RFX7: variants seen among roughly 807,000 people sequenced by gnomAD.
RFX7 encodes the protein regulatory factor X7, also known as DNA-binding protein RFX7.
Under a neutral mutation model 111.8 loss-of-function variants are expected in RFX7, and 26 were observed. The observed-to-expected ratio is 0.23, with a 90% CI of 0.17 to 0.32. The LOEUF (loss-of-function observed/expected upper bound fraction) is 0.32. Among genes scored for constraint, RFX7 ranks in the 10% least tolerant of loss-of-function variants. The probability of loss-of-function intolerance (pLI) is 1.00; values close to 1 mark genes in which losing one functional copy is unlikely to be tolerated. For synonymous variants in RFX7, 624 were observed against 624.4 expected (o/e 1.00, Z 0.01); for missense variants, 1,573 against 1,772.9 (o/e 0.89, Z 2.02).
Position 56,171,896 on chromosome 15 carries a change from T to C in RFX7, c.195+7374A>G, listed in dbSNP as rs541808426. On this transcript the variant is annotated intron_variant, in intron 3 of 9. Transcript: ENST00000559447. Reference sequence around the variant, plus strand: ...GATGGGGACATATAATTAGGAGTCATTGGTATAATGAGACTAATTGAAACC... The same window carrying C: ...GATGGGGACATATAATTAGGAGTCACTGGTATAATGAGACTAATTGAAACC... 2.8e-4 allele frequency among the ~76,000 whole-genome samples: 43 copies of C among 152,246 alleles called. No individual in the cohort carries two copies. In the Middle Eastern group the frequency reaches 0.02, roughly 72 times the overall value.
chr15:56,098,899 AT>A (rs1451074702), intron 8 of RFX7, among the ~76,000 whole-genome samples: 1 of 152,216 alleles, frequency 6.6e-6, no homozygotes, highest in Non-Finnish European at 1.5e-5. Context: ...CCTACCAGCA[AT>A]TCATGGAAAT....
At chr15:56,244,669 G>A (rs1334343354), upstream of RFX7, among the ~76,000 whole-genome samples, 1 of 148,716 alleles carries the variant, frequency 6.7e-6, no homozygotes, top group African/African-American at 2.5e-5. Context: ...TCAAGTCGCG[G>A]CTTGTCAGGG....
At chr15:56,214,392 T>A (rs2043342209) in intron 2 of RFX7, among the ~76,000 whole-genome samples, 1 of 152,204 alleles carries the variant, frequency 6.6e-6, no homozygotes, top group Non-Finnish European at 1.5e-5. Flanking sequence ...ATGCCTACAT[T>A]ATTGAAAATC....
At chr15:56,243,037 T>G in intron 2 of RFX7, 88 bp downstream of exon 2, 27 of 674,240 alleles carry the variant, frequency 4.0e-5, no homozygotes, top group East Asian at 6.6e-5. Flanking sequence ...AGCCTCCTCC[T>G]CCGCTCCCCC....
rs541143576 is a variant in RFX7 at position 56,152,385 on chromosome 15, C to G, written c.196-7902G>C. On this transcript the variant is annotated intron_variant, in intron 3 of 9. Transcript: ENST00000559447. ...ACCACAGTGCAATCAAAGTAGAACTCAGGGTTAAGAAACTTACCCCAATCC... is the reference window on the plus strand; with the variant it reads ...ACCACAGTGCAATCAAAGTAGAACTGAGGGTTAAGAAACTTACCCCAATCC... Among the ~76,000 whole-genome samples, 15 of 152,286 alleles carry G rather than the reference C, an allele frequency of 9.8e-5. 1 individual carries two copies. The highest frequency in any genetic ancestry group is 3.4e-4 in the African/African-American group (14 of 41,566).
chr15:56,228,494 C>T (rs1463301143), intron 2 of RFX7, among the ~76,000 whole-genome samples: 1 of 151,868 alleles, frequency 6.6e-6, no homozygotes, highest in African/African-American at 2.4e-5. Context: ...AATTATCAGA[C>T]TGGGAACTTA....
At chr15:56,224,455 A>G (rs182648684) in intron 2 of RFX7, among the ~76,000 whole-genome samples, 1 of 116,430 alleles carries the variant, frequency 8.6e-6, no homozygotes, top group Non-Finnish European at 1.8e-5. Flanking sequence ...CTCTTTTGCC[A>G]AGATTAGGAT....
intron 5 of RFX7, among the ~76,000 whole-genome samples, chr15:56,126,560 T>A (rs1355343879): frequency 1.3e-5 from 2 of 152,166 alleles, no homozygotes; most frequent in Admixed American, 6.5e-5. Context: ...CCTTACTTTA[T>A]CAGTAATTAC....
At chr15:56,103,773 G>A (rs953142289) in intron 5 of RFX7, 103 bp from the exon 6 acceptor site, 35 of 686,568 alleles carry the variant, frequency 5.1e-5, no homozygotes, top group Non-Finnish European at 7.9e-5. Context: ...TGAAGCAAAG[G>A]ATCTTTCAAG....
In RFX7 at chr15:56,142,963, G is replaced by C. The variant is rs376598798; in HGVS notation, c.279-63C>G. On this transcript the variant is annotated intron_variant, in intron 4 of 9. Coordinates refer to ENST00000559447, the MANE Select transcript of RFX7 (RefSeq NM_022841.7). ...CAATTCATTAACGATTTTTGAGCTA[G>C]GCCTAAATGTTCCACTAAAGAACTG... 1.6e-5 allele frequency: 25 copies of C among 1,574,052 alleles called. 1 individual carries two copies. Among genetic ancestry groups the C allele is most frequent in the Admixed American group, 5.2e-5 (3 of 57,630 alleles).
At chr15:56,237,084 G>C (rs1204739273) in intron 2 of RFX7, among the ~76,000 whole-genome samples, 1 of 152,088 alleles carries the variant, frequency 6.6e-6, no homozygotes, top group African/African-American at 2.4e-5. Context: ...AATTATATTA[G>C]TCTTTCATTG....
intron 2 of RFX7, among the ~76,000 whole-genome samples, chr15:56,217,906 C>A (rs572584627): frequency 2.0e-5 from 3 of 151,924 alleles, no homozygotes; most frequent in Non-Finnish European, 4.4e-5. Context: ...GGGAGACTGG[C>A]GAAAACCCAG....
At chr15:56,125,619 GT>G in intron 5 of RFX7, among the ~76,000 whole-genome samples, 1 of 99,070 alleles carries the variant, frequency 1.0e-5, no homozygotes, top group South Asian at 4.4e-4. Flanking sequence ...GAGTGTGTGT[GT>G]GTGTGTGTGT....
At chr15:56,149,059 A>G (rs933397220) in intron 3 of RFX7, among the ~76,000 whole-genome samples, 7 of 149,140 alleles carry the variant, frequency 4.7e-5, no homozygotes, top group Non-Finnish European at 8.9e-5. Context: ...CTCCAGCCTC[A>G]GCGACAGAGC....
intron 3 of RFX7, among the ~76,000 whole-genome samples, chr15:56,162,897 TCTC>T (rs1228045578): frequency 4.6e-5 from 7 of 152,034 alleles, no homozygotes; most frequent in Non-Finnish European, 1.0e-4. Context: ...GCCTATTTCT[TCTC>T]CACTAAGTGA....
intron 3 of RFX7, among the ~76,000 whole-genome samples, chr15:56,154,772 TTGA>T (rs2042627802): frequency 2.6e-5 from 4 of 152,168 alleles, no homozygotes; most frequent in African/African-American, 9.7e-5. Flanking sequence ...AAAGCCAGAA[TTGA>T]CAAGTGAGAT....
intron 2 of RFX7, among the ~76,000 whole-genome samples, chr15:56,230,270 T>A (rs528247009): frequency 6.6e-6 from 1 of 152,342 alleles, no homozygotes; most frequent in East Asian, 1.9e-4. Flanking sequence ...GTGGTAGTCA[T>A]CTGCTCAGTG....
At chr15:56,200,981 C>T (rs1471179765) in intron 2 of RFX7, among the ~76,000 whole-genome samples, 1 of 150,692 alleles carries the variant, frequency 6.6e-6, no homozygotes, top group Middle Eastern at 3.2e-3. Context: ...GTATTAGGTG[C>T]TTAAATGATT....
chr15:56,151,365 C>T (rs1179089633), intron 3 of RFX7, among the ~76,000 whole-genome samples: 1 of 152,182 alleles, frequency 6.6e-6, no homozygotes. Context: ...GCTCTCTCGG[C>T]AGAAACCCTA....
Sources: gnomAD v4.1 joint callset for allele counts (sites outside exome capture counted in the v4.1 genomes callset) on GRCh38, gnomAD v4.1.1 for gene constraint, MANE v1.5 for transcripts, NCBI Gene and HGNC (gene_info 2026-07-23, HGNC 2026-07-21) for gene names.